Variants in CHM observed in about 807,000 individuals in gnomAD.
The protein encoded by CHM is CHM Rab escort protein.
Under a neutral mutation model 49.0 loss-of-function variants are expected in CHM, and 10 were observed. The ratio of observed to expected loss-of-function variants is 0.20; its 90% CI spans 0.13 to 0.35. The LOEUF is 0.35. CHM is among the 10% of genes least tolerant of loss of function. The pLI, the probability that CHM is intolerant of heterozygous loss-of-function variation, is 1.00. For synonymous variants in CHM, 184 were observed against 167.5 expected (o/e 1.10, Z -0.76); for missense variants, 455 against 478.4 (o/e 0.95, Z 0.46).
intron 9 of CHM, among the ~76,000 whole-genome samples, chrX:85,902,986 A>G (rs1397561168): frequency 8.9e-6 from 1 of 111,856 alleles, no homozygotes; most frequent in Non-Finnish European, 1.9e-5. Flanking sequence ...GAAGCACTTA[A>G]GATTTGGACC....
At chrX:85,933,418 A>G (rs764808077) in intron 8 of CHM, among the ~76,000 whole-genome samples, 5 of 111,431 alleles carry the variant, frequency 4.5e-5, no homozygotes, top group Non-Finnish European at 7.5e-5. Context: ...CCTTTTTTAT[A>G]AAGGAAGAAA....
chrX:85,991,496 T>C (rs1269393420), intron 2 of CHM, among the ~76,000 whole-genome samples: 1 of 111,471 alleles, frequency 9.0e-6, no homozygotes, highest in Non-Finnish European at 1.9e-5. Context: ...CTGGTCCTGA[T>C]TACTAAATTA....
intron 3 of CHM, among the ~76,000 whole-genome samples, chrX:85,981,448 G>C (rs1219299228): frequency 9.2e-6 from 1 of 109,289 alleles, no homozygotes; most frequent in African/African-American, 3.3e-5. Context: ...TGGCCAGGCT[G>C]GTCTCGAACT....
chrX:86,004,900 G>A (rs1204382347), intron 2 of CHM, among the ~76,000 whole-genome samples: 1 of 111,633 alleles, frequency 9.0e-6, no homozygotes, highest in Non-Finnish European at 1.9e-5. Context: ...ACTCAGCTCC[G>A]CATCAAGGAG....
rs192169816 is a variant in CHM, at chrX:85,970,897, C to T, written c.315-6845G>A. The stretch of plus-strand genomic sequence containing the variant: ...TTCTTTACAGTCTATGATGTTTGAA[C>T]CTAGCCTATGATAGAATAATTACTA... On this transcript the variant is annotated intron_variant, in intron 4 of 14. Transcript: ENST00000357749. 75 of 719,460 alleles carry T rather than the reference C, an allele frequency of 1.0e-4. No homozygotes were observed. In the African/African-American group the frequency reaches 1.6e-3, roughly 16 times the overall value. 59.3% of individuals were successfully genotyped at this position (719,460 alleles called of 1,213,427 possible). A position where few individuals can be genotyped will look rare whatever the true frequency, so the allele number is the denominator to read the frequency against.
chrX:86,031,993 G>A (rs1934064156), intron 1 of CHM, among the ~76,000 whole-genome samples: 1 of 112,278 alleles, frequency 8.9e-6, no homozygotes, highest in Non-Finnish European at 1.9e-5. Flanking sequence ...TGCTAATTTA[G>A]TAAAATAATG....
chrX:86,034,164 A>G (rs1934144948), intron 1 of CHM, among the ~76,000 whole-genome samples: 1 of 111,753 alleles, frequency 8.9e-6, no homozygotes, highest in Non-Finnish European at 1.9e-5. Context: ...TCCTTATTAG[A>G]TAAAATAAAG....
At chrX:85,913,603 C>G in intron 8 of CHM, among the ~76,000 whole-genome samples, 1 of 109,855 alleles carries the variant, frequency 9.1e-6, no homozygotes, top group Non-Finnish European at 1.9e-5. Context: ...GAAATGCAGC[C>G]CTGCCAACCA....
intron 8 of CHM, among the ~76,000 whole-genome samples, chrX:85,949,310 G>T (rs186127309): frequency 8.9e-6 from 1 of 112,001 alleles, no homozygotes; most frequent in African/African-American, 3.2e-5. Context: ...TTTAATGTAT[G>T]AATTAGAAAT....
intron 2 of CHM, among the ~76,000 whole-genome samples, chrX:86,000,613 G>A (rs1267503500): frequency 9.1e-6 from 1 of 110,209 alleles, no homozygotes; most frequent in Non-Finnish European, 1.9e-5. Flanking sequence ...TACATTAATG[G>A]TTAAATGGAT....
At chrX:85,993,377 A>G (rs1461344985) in intron 2 of CHM, among the ~76,000 whole-genome samples, 1 of 111,113 alleles carries the variant, frequency 9.0e-6, no homozygotes, top group East Asian at 2.8e-4. Context: ...TATCCATTCT[A>G]GTTAATTTCT....
intron 2 of CHM, among the ~76,000 whole-genome samples, chrX:86,019,249 GC>G (rs1933438128): frequency 1.8e-5 from 2 of 112,016 alleles, no homozygotes; most frequent in African/African-American, 6.5e-5. Context: ...AACCAATAGA[GC>G]AAAGAAGAAA....
intron 2 of CHM, among the ~76,000 whole-genome samples, chrX:85,982,522 G>A (rs926932441): frequency 8.9e-6 from 1 of 111,766 alleles, no homozygotes; most frequent in Admixed American, 9.5e-5. Context: ...GGACAACCCA[G>A]AGGTCTCCTA....
intron 8 of CHM, among the ~76,000 whole-genome samples, chrX:85,915,582 T>C (rs979915296): frequency 1.8e-5 from 2 of 112,280 alleles, no homozygotes; most frequent in Non-Finnish European, 3.8e-5. Flanking sequence ...CTTAAGCTAA[T>C]AAACAACTTA....
intron 13 of CHM, among the ~76,000 whole-genome samples, chrX:85,876,508 G>T (rs1167365901): frequency 3.6e-5 from 4 of 111,458 alleles, no homozygotes; most frequent in Non-Finnish European, 7.6e-5. Flanking sequence ...CCTCATTTAG[G>T]CAGGAAAATG....
At chrX:85,935,408 G>A (rs905855762) in intron 8 of CHM, among the ~76,000 whole-genome samples, 2 of 111,231 alleles carry the variant, frequency 1.8e-5, no homozygotes, top group African/African-American at 6.5e-5. Context: ...GCCATCCATC[G>A]CTTAACAACA....
At chrX:86,000,673 G>A (rs1331585823) in intron 2 of CHM, among the ~76,000 whole-genome samples, 1 of 111,376 alleles carries the variant, frequency 9.0e-6, no homozygotes, top group African/African-American at 3.3e-5. Context: ...GCCTGAAAAA[G>A]AATTAAGTCC....
At chrX:85,915,292 G>A (rs948534455) in intron 8 of CHM, among the ~76,000 whole-genome samples, 32 of 111,672 alleles carry the variant, frequency 2.9e-4, no homozygotes, top group Non-Finnish European at 5.6e-4. Context: ...AGGTATTGAA[G>A]GAACATGGCT....
At chrX:86,041,292 T>A (rs1934446538) in intron 1 of CHM, among the ~76,000 whole-genome samples, 1 of 110,677 alleles carries the variant, frequency 9.0e-6, no homozygotes, top group Non-Finnish European at 1.9e-5. Flanking sequence ...TCCCAGAGAG[T>A]CTTCTCCAGA....
Sources: gnomAD v4.1 joint callset for allele counts (sites outside exome capture counted in the v4.1 genomes callset) on GRCh38, gnomAD v4.1.1 for gene constraint, MANE v1.5 for transcripts, NCBI Gene and HGNC (gene_info 2026-07-23, HGNC 2026-07-21) for gene names.